The following OSBPL6 variants were observed in gnomAD, a reference collection of about 807,000 sequenced individuals.
The protein encoded by OSBPL6 is oxysterol-binding protein-related protein 6.
OSBPL6 carries 49 observed loss-of-function variants against 125.8 expected under a neutral mutation model. That is an observed-to-expected ratio of 0.39 (90% CI 0.31 to 0.49). The LOEUF is 0.49. OSBPL6 is among the 20% of genes least tolerant of loss of function. The pLI, the probability that OSBPL6 is intolerant of heterozygous loss-of-function variation, is 0.88. For synonymous variants in OSBPL6, 394 were observed against 391.8 expected (o/e 1.01, Z -0.07); for missense variants, 986 against 1,135.4 (o/e 0.87, Z 1.89).
Position 178,349,246 on chromosome 2 carries a change from C to T in OSBPL6, c.1010C>T (p.Ser337Leu). The T allele has an allele frequency of 6.2e-7, 1 of 1,614,130 alleles. No homozygotes were observed. Among genetic ancestry groups the T allele is most frequent in the Non-Finnish European group, 8.5e-7 (1 of 1,179,990 alleles). The change falls in exon 12 of 25, where the codon TCA (serine) becomes TTA (leucine). Residue 337 changes from serine (S) to leucine (L), a missense_variant. Physicochemically the swap from Ser to Leu is moderately radical, Grantham distance 145 (BLOSUM62 -2). Coordinates refer to ENST00000190611, the MANE Select transcript of OSBPL6 (RefSeq NM_032523.4). ...CAGGTTCCTTTCAGTGCTACCATGT[C>T]ACCAGTTCGCTTGCATTCCTCCAAC... ...QLQVPFSATM[S>L]PVRLHSSNPN... is the part of the protein sequence containing the mutation.
At chr2:178,338,604 A>G (rs2154081357) in intron 9 of OSBPL6, among the ~76,000 whole-genome samples, 1 of 152,340 alleles carries the variant, frequency 6.6e-6, no homozygotes, top group East Asian at 1.9e-4. Context: ...CCCAAATTCC[A>G]GATAACCATC....
At position 178,393,988 on chromosome 2, in the gene OSBPL6, T is replaced by G. The variant is rs539759855; in HGVS notation, c.2574-325T>G. Among the ~76,000 whole-genome samples, 19 of 152,348 alleles carry G rather than the reference T, an allele frequency of 1.2e-4. No individual in the cohort carries two copies. In the South Asian group the frequency reaches 3.7e-3, roughly 30 times the overall value. On this transcript the variant is annotated intron_variant, in intron 23 of 24. Transcript: ENST00000190611. Reference sequence around the variant, plus strand: ...TTCACGCTCTTCTCACCCTGGACTCTGCAGTTGTCCTGAAAATCTCAAGTT... The same window carrying G: ...TTCACGCTCTTCTCACCCTGGACTCGGCAGTTGTCCTGAAAATCTCAAGTT...
In OSBPL6 at chr2:178,333,168, A is replaced by T; in HGVS notation, c.657+127A>T. The stretch of plus-strand genomic sequence containing the variant: ...GAGGCCAAGGCGGGTGGATCGCCTG[A>T]CAGCCAGGAGTTCGAGACCAGCCTG... On this transcript the variant is annotated intron_variant, in intron 8 of 24. Transcript: ENST00000190611. 6.0e-6 allele frequency: 6 copies of T among 994,158 alleles called. No individual in the cohort carries two copies. The South Asian group carries it at 9.0e-5, about 15-fold the overall frequency. 61.6% of individuals were successfully genotyped at this position (994,158 alleles called of 1,614,324 possible).
At chr2:178,394,100 G>A (rs568148919) in intron 23 of OSBPL6, among the ~76,000 whole-genome samples, 106 of 152,186 alleles carry the variant, frequency 7.0e-4, no homozygotes, top group Admixed American at 1.4e-3. Context: ...TTCAGTTCAT[G>A]TACATAGAAA....
chr2:178,393,716 T>C (rs1200025842), intron 23 of OSBPL6, among the ~76,000 whole-genome samples: 1 of 152,252 alleles, frequency 6.6e-6, no homozygotes, highest in Non-Finnish European at 1.5e-5. Flanking sequence ...TTTTTCCTTC[T>C]CAATTCTATT....
rs543232744 is a variant in OSBPL6, at chr2:178,206,707, C to T, written c.-351+12033C>T. ...TCGGCTCACTGCAACCTCTGCCTCC[C>T]GGGTTCAAGCAATTCTCCTGTCTCA... is the stretch of plus-strand genomic sequence containing the variant. On this transcript the variant is annotated intron_variant, in intron 1 of 24. Coordinates refer to ENST00000190611, the MANE Select transcript of OSBPL6 (RefSeq NM_032523.4). 3.9e-5 allele frequency among the ~76,000 whole-genome samples: 6 copies of T among 152,136 alleles called. No homozygotes were observed. The South Asian group carries it at 6.2e-4, about 16-fold the overall frequency.
intron 1 of OSBPL6, among the ~76,000 whole-genome samples, chr2:178,198,273 G>T (rs2153930162): frequency 1.3e-5 from 2 of 152,144 alleles, no homozygotes; most frequent in Middle Eastern, 6.8e-3. Context: ...ATAATGAAAA[G>T]AAATATGAAG....
chr2:178,388,127 T>C (rs1423470304), intron 20 of OSBPL6, among the ~76,000 whole-genome samples: 1 of 152,218 alleles, frequency 6.6e-6, no homozygotes, highest in Non-Finnish European at 1.5e-5. Context: ...ATGTAACATT[T>C]CATTTGAAAA....
rs150545219 is a variant in OSBPL6, at chr2:178,210,516, G to A, written c.-351+15842G>A. ...CCTTATATACAATGGACATAAAAAT[G>A]ACTCTTCTTGCCTGGACACAGTGAT... On this transcript the variant is annotated intron_variant, in intron 1 of 24. Transcript: ENST00000190611. Among the ~76,000 whole-genome samples the A allele has an allele frequency of 1.8e-3, 279 of 152,128 alleles. 1 individual carries two copies. The highest frequency in any genetic ancestry group is 6.0e-3 in the African/African-American group (250 of 41,518).
intron 6 of OSBPL6, 64 bp downstream of exon 6, chr2:178,331,669 C>T (rs1689209082): frequency 4.6e-6 from 7 of 1,520,008 alleles, no homozygotes; most frequent in Non-Finnish European, 6.4e-6. Flanking sequence ...TGAGTAAACA[C>T]TGTAATTGTA....
chr2:178,383,354 G>C, intron 17 of OSBPL6, 77 bp downstream of exon 17: 1 of 1,508,506 alleles, frequency 6.6e-7, no homozygotes, highest in South Asian at 1.3e-5. Flanking sequence ...AATTCATTAT[G>C]ATATATTTGG....
At position 178,332,738 on chromosome 2, in the gene OSBPL6, A is replaced by T; in HGVS notation, c.470A>T (p.His157Leu). 1.2e-6 allele frequency: 2 copies of T among 1,614,124 alleles called. No individual in the cohort carries two copies. The highest frequency in any genetic ancestry group is 1.7e-6 in the Non-Finnish European group (2 of 1,179,958). Residue 157 changes from histidine to leucine, a missense_variant, in exon 7 of 25, where the codon CAC (histidine) becomes CTC (leucine). Transcript: ENST00000190611. ...ARRIDLDTEE[H>L]IYHLKVKSQD... is the part of the protein sequence containing the mutation. ...AGAATAGACCTTGACACCGAAGAGC[A>T]CATCTATCATTTGAAGGTGAAATCA...
At chr2:178,330,005 C>T (rs910461467) in intron 5 of OSBPL6, among the ~76,000 whole-genome samples, 18 of 152,212 alleles carry the variant, frequency 1.2e-4, no homozygotes, top group African/African-American at 4.1e-4. Context: ...TTGTCAGAAA[C>T]GATCTTTCCT....
Position 178,274,207 on chromosome 2 carries a change from T to A in OSBPL6, c.-350-10720T>A, listed in dbSNP as rs190034899. On this transcript the variant is annotated intron_variant, in intron 1 of 24. Coordinates refer to ENST00000190611, the MANE Select transcript of OSBPL6 (RefSeq NM_032523.4). The stretch of plus-strand genomic sequence containing the variant: ...TTATCAGATAGGCTTGCAACACTTT[T>A]CAGTTGATAAAAACATTAGTGAAGA... Among the ~76,000 whole-genome samples, 7 of 152,320 alleles carry A rather than the reference T, an allele frequency of 4.6e-5. No individual in the cohort carries two copies. In the East Asian group the frequency reaches 1.3e-3, roughly 29 times the overall value.
chr2:178,316,271 A>G (rs1320381180), intron 3 of OSBPL6, among the ~76,000 whole-genome samples: 2 of 152,204 alleles, frequency 1.3e-5, no homozygotes, highest in African/African-American at 4.8e-5. Context: ...AGTCTTTTTA[A>G]AAAGTCATAC....
At chr2:178,353,191 C>G (rs371399522) in intron 12 of OSBPL6, among the ~76,000 whole-genome samples, 25 of 152,200 alleles carry the variant, frequency 1.6e-4, no homozygotes, top group African/African-American at 5.5e-4. Flanking sequence ...CTCTTCTCCT[C>G]TAAAGGATCA....
At chr2:178,199,435 T>C (rs1398491115) in intron 1 of OSBPL6, among the ~76,000 whole-genome samples, 2 of 152,182 alleles carry the variant, frequency 1.3e-5, no homozygotes, top group Non-Finnish European at 2.9e-5. Context: ...TTCTGGGTCT[T>C]TCTAGAAGGC....
chr2:178,278,443 T>C (rs2092514828), intron 1 of OSBPL6, among the ~76,000 whole-genome samples: 1 of 152,336 alleles, frequency 6.6e-6, no homozygotes, highest in Non-Finnish European at 1.5e-5. Context: ...TGACTTACTG[T>C]TGTGGATTAA....
At chr2:178,195,702 TTC>T (rs2088845316) in intron 1 of OSBPL6, among the ~76,000 whole-genome samples, 1 of 152,194 alleles carries the variant, frequency 6.6e-6, no homozygotes, top group Non-Finnish European at 1.5e-5. Flanking sequence ...GCCAGATTAT[TTC>T]TCTCTTCTGG....
Sources: allele counts gnomAD v4.1 joint callset (sites outside exome capture counted in the v4.1 genomes callset), GRCh38; gene constraint gnomAD v4.1.1; transcripts MANE v1.5; gene names NCBI Gene and HGNC (gene_info 2026-07-23, HGNC 2026-07-21).